Variants in BCAS3 observed in about 807,000 individuals in gnomAD.
BCAS3 encodes BCAS4/BCAS3 fusion.
In BCAS3, 53 loss-of-function variants were observed where a neutral mutation model predicts 116.1. The ratio of observed to expected loss-of-function variants is 0.46; its 90% CI spans 0.37 to 0.57. The LOEUF (loss-of-function observed/expected upper bound fraction) is 0.57. Ranked by LOEUF, BCAS3 falls within the 20% of genes least tolerant of loss-of-function variation. BCAS3 has a pLI of 0.00. For synonymous variants in BCAS3, 391 were observed against 408.2 expected, an observed-to-expected ratio of 0.96 and a Z score of 0.51; for missense variants, 917 against 1,165.4, an observed-to-expected ratio of 0.79 and a Z score of 3.10.
chr17:60,716,607 A>T (rs1326576949), intron 5 of BCAS3, among the ~76,000 whole-genome samples: 1 of 152,024 alleles, frequency 6.6e-6, no homozygotes, highest in Non-Finnish European at 1.5e-5. Context: ...CCAAAACCAC[A>T]AAAATTAGGG....
intron 5 of BCAS3, among the ~76,000 whole-genome samples, chr17:60,712,122 G>A (rs780747588): frequency 3.3e-5 from 5 of 152,126 alleles, no homozygotes; most frequent in East Asian, 1.9e-4. Flanking sequence ...CCAAGATTGC[G>A]CCACTGCACT....
chr17:60,855,029 A>AACC (rs1418148244), intron 7 of BCAS3, among the ~76,000 whole-genome samples: 2 of 132,308 alleles, frequency 1.5e-5, no homozygotes, highest in Non-Finnish European at 3.0e-5. Context: ...AGCTCACTGC[A>AACC]ACCTCTGCCT....
chr17:60,889,857 A>C, intron 10 of BCAS3, 86 bp downstream of exon 10: 1 of 1,201,260 alleles, frequency 8.3e-7, no homozygotes, highest in Non-Finnish European at 1.2e-6. Flanking sequence ...TCCATAGTTG[A>C]TTACCAATAA....
intron 8 of BCAS3, among the ~76,000 whole-genome samples, chr17:60,872,695 ATATC>A (rs1387653415): frequency 2.6e-5 from 4 of 151,064 alleles, no homozygotes; most frequent in African/African-American, 7.3e-5. Flanking sequence ...TACACCATAT[ATATC>A]TATGTATGTA....
At chr17:61,298,062 A>G (rs1161565753) in intron 22 of BCAS3, among the ~76,000 whole-genome samples, 1 of 152,146 alleles carries the variant, frequency 6.6e-6, no homozygotes, top group Non-Finnish European at 1.5e-5. Context: ...TTTCTTCTCC[A>G]TAAAGTTAAG....
chr17:60,978,310 G>GTGTC (rs2062558936), intron 14 of BCAS3, among the ~76,000 whole-genome samples: 1 of 146,918 alleles, frequency 6.8e-6, no homozygotes, highest in Non-Finnish European at 1.5e-5. Context: ...CTTTTGAGAA[G>GTGTC]TGTCTGTTCA....
rs1212117377 is a variant in BCAS3 at position 60,709,395 on chromosome 17, T to C, written c.321+70T>C. The C allele has an allele frequency of 2.9e-6, 3 of 1,019,838 alleles. No homozygotes were observed. In the African/African-American group the frequency reaches 5.3e-5, roughly 18 times the overall value. 63.2% of individuals were successfully genotyped at this position (1,019,838 alleles called of 1,614,324 possible). A position where few individuals can be genotyped will look rare whatever the true frequency, so the allele number is the denominator to read the frequency against. ...TGTTAGCTTATGTGAAATCTGTAGATACTTTTTTTTTTTGAGACAGAGTCT... is the reference window on the plus strand; with the variant it reads ...TGTTAGCTTATGTGAAATCTGTAGACACTTTTTTTTTTTGAGACAGAGTCT... On this transcript the variant is annotated intron_variant, in intron 5 of 23. Transcript: ENST00000407086.
chr17:60,728,568 C>T (rs1458322181), intron 5 of BCAS3, among the ~76,000 whole-genome samples: 2 of 152,038 alleles, frequency 1.3e-5, no homozygotes, highest in South Asian at 2.1e-4. Context: ...CAACCTCCAC[C>T]TCCTGGGTTC....
intron 7 of BCAS3, among the ~76,000 whole-genome samples, chr17:60,851,119 C>T (rs977916387): frequency 1.2e-4 from 18 of 151,958 alleles, no homozygotes; most frequent in East Asian, 1.9e-4. Context: ...ACTTTTGCTC[C>T]GTGAAAGATT....
intron 19 of BCAS3, among the ~76,000 whole-genome samples, chr17:61,049,730 C>CTTTTCTTTTTT (rs1237965285): frequency 5.8e-5 from 7 of 120,826 alleles, no homozygotes; most frequent in Non-Finnish European, 1.0e-4. Flanking sequence ...CTTTTCTTTT[C>CTTTTCTTTTTT]TTTTTTTTTT....
Position 61,171,248 on chromosome 17 carries a change from T to C in BCAS3, c.2425+86684T>C, listed in dbSNP as rs1045153079. On this transcript the variant is annotated intron_variant, in intron 22 of 23. Coordinates refer to ENST00000407086, the MANE Select transcript of BCAS3 (RefSeq NM_017679.5). This position sits in a 1 kb window ranked among gnomAD's most constrained non-coding sequence, Gnocchi z 4.1. ...ACTTGGATAAGTTACAAATATATGC[T>C]ATACATTCTAAAGCAGCCTCTAAAG... Among the ~76,000 whole-genome samples the C allele has an allele frequency of 6.6e-6, 1 of 152,054 alleles. No individual in the cohort carries two copies. The highest frequency in any genetic ancestry group is 1.5e-5 in the Non-Finnish European group (1 of 68,004).
intron 7 of BCAS3, among the ~76,000 whole-genome samples, chr17:60,846,533 T>C (rs1434498773): frequency 6.6e-6 from 1 of 152,246 alleles, no homozygotes; most frequent in Admixed American, 6.5e-5. Context: ...AGAAGTATGT[T>C]GAAGTCTTTC....
At chr17:60,882,896 TTTGGC>T (rs1235845977) in intron 9 of BCAS3, among the ~76,000 whole-genome samples, 1 of 127,598 alleles carries the variant, frequency 7.8e-6, no homozygotes, top group East Asian at 2.2e-4. Flanking sequence ...GCTTTGTTCT[TTTGGC>T]TTAGGATTGA....
chr17:60,716,428 T>C (rs1309669792), intron 5 of BCAS3, among the ~76,000 whole-genome samples: 2 of 152,188 alleles, frequency 1.3e-5, no homozygotes, highest in Non-Finnish European at 2.9e-5. Context: ...AAGCATTCTT[T>C]TCTCCATAGT....
intron 7 of BCAS3, among the ~76,000 whole-genome samples, chr17:60,831,365 C>T (rs543442030): frequency 4.6e-5 from 7 of 151,676 alleles, no homozygotes; most frequent in Non-Finnish European, 8.8e-5. Flanking sequence ...TTAGTAGAGA[C>T]AGGATTTCAC....
chr17:60,985,772 T>C (rs1336671764), intron 14 of BCAS3, among the ~76,000 whole-genome samples: 1 of 152,234 alleles, frequency 6.6e-6, no homozygotes, highest in Non-Finnish European at 1.5e-5. Flanking sequence ...AGTTTCGCTC[T>C]GTCGCCCAGC....
chr17:61,184,863 T>C (rs1250001932), intron 22 of BCAS3, among the ~76,000 whole-genome samples: 1 of 152,052 alleles, frequency 6.6e-6, no homozygotes, highest in East Asian at 1.9e-4. Flanking sequence ...TGATTCTATT[T>C]ATATGAAGTT....
At chr17:60,863,014 G>T (rs990703770) in intron 7 of BCAS3, among the ~76,000 whole-genome samples, 3 of 152,136 alleles carry the variant, frequency 2.0e-5, no homozygotes, top group African/African-American at 7.2e-5. Flanking sequence ...AGGTTACAAA[G>T]ATTTTTCTCC....
intron 22 of BCAS3, among the ~76,000 whole-genome samples, chr17:61,176,656 C>G (rs1158980064): frequency 1.3e-5 from 2 of 152,146 alleles, no homozygotes; most frequent in South Asian, 4.1e-4. Context: ...CTCCTAGGCT[C>G]AAGTGATCCT....
Sources: gnomAD v4.1 joint callset for allele counts (sites outside exome capture counted in the v4.1 genomes callset) on GRCh38, gnomAD v4.1.1 for gene constraint, Gnocchi (gnomAD v3.1) non-coding constraint, MANE v1.5 for transcripts, NCBI Gene and HGNC (gene_info 2026-07-23, HGNC 2026-07-21) for gene names.